The following GRM5 variants were observed in gnomAD, a reference collection of about 807,000 sequenced individuals.
GRM5 encodes metabotropic glutamate receptor 5.
In GRM5, 19 loss-of-function variants were observed where a neutral mutation model predicts 83.1. The observed-to-expected ratio is 0.23, with a 90% CI of 0.16 to 0.34. The LOEUF (loss-of-function observed/expected upper bound fraction) is 0.34. GRM5 is among the 10% of genes least tolerant of loss of function. GRM5 has a pLI of 1.00. For missense variants in GRM5, 1,160 were observed against 1,588.3 expected, an observed-to-expected ratio of 0.73 and a Z score of 4.58; for synonymous variants, 675 against 633.6, an observed-to-expected ratio of 1.07 and a Z score of -0.98.
intron 2 of GRM5, among the ~76,000 whole-genome samples, chr11:89,005,008 G>A (rs938676315): frequency 6.6e-6 from 1 of 152,060 alleles, no homozygotes; most frequent in Non-Finnish European, 1.5e-5. Context: ...TCCAAAACTG[G>A]AATACATTTT....
intron 2 of GRM5, among the ~76,000 whole-genome samples, chr11:89,001,509 G>C (rs150143658): frequency 0.024 from 3,685 of 152,156 alleles, 132 homozygotes; most frequent in African/African-American, 0.083. Context: ...CAAATTTATA[G>C]GAATGGAGAA....
intron 3 of GRM5, among the ~76,000 whole-genome samples, chr11:88,687,839 A>C (rs1182397058): frequency 1.3e-5 from 2 of 151,164 alleles, no homozygotes; most frequent in African/African-American, 2.4e-5. Flanking sequence ...AAGGGTCAAG[A>C]CTCTTCAGAC....
At chr11:89,038,087 A>G (rs1021564631) in intron 2 of GRM5, among the ~76,000 whole-genome samples, 3 of 151,954 alleles carry the variant, frequency 2.0e-5, no homozygotes, top group African/African-American at 7.3e-5. Context: ...ATAACTTATG[A>G]GTTATCCACT....
At chr11:88,946,444 TG>T (rs759011609) in intron 2 of GRM5, among the ~76,000 whole-genome samples, 16 of 152,122 alleles carry the variant, frequency 1.1e-4, no homozygotes, top group Non-Finnish European at 2.2e-4. Context: ...GAATGTTCTT[TG>T]CATCACTATT....
chr11:88,902,796 CA>C (rs1945333556), intron 2 of GRM5, among the ~76,000 whole-genome samples: 1 of 151,538 alleles, frequency 6.6e-6, no homozygotes, highest in Non-Finnish European at 1.5e-5. Flanking sequence ...ACTAAAAATA[CA>C]AAAATTAGCC....
At chr11:88,665,190 C>CACACACACAT (rs1252638242) in intron 3 of GRM5, among the ~76,000 whole-genome samples, 3 of 151,820 alleles carry the variant, frequency 2.0e-5, no homozygotes, top group African/African-American at 7.3e-5. Context: ...CACACACACA[C>CACACACACAT]ATCCCTCTTG....
chr11:88,805,701 T>A (rs773545683), intron 3 of GRM5, among the ~76,000 whole-genome samples: 9 of 152,156 alleles, frequency 5.9e-5, no homozygotes, highest in Non-Finnish European at 1.2e-4. Flanking sequence ...GAGTATGTCT[T>A]ATGGTTAATG....
chr11:89,031,653 G>T (rs1303554024), intron 2 of GRM5, among the ~76,000 whole-genome samples: 1 of 151,910 alleles, frequency 6.6e-6, no homozygotes, highest in Non-Finnish European at 1.5e-5. Context: ...TTGTGCATAA[G>T]ATAATTAGAA....
intron 8 of GRM5, among the ~76,000 whole-genome samples, chr11:88,539,608 C>T (rs1942216574): frequency 6.6e-6 from 1 of 152,096 alleles, no homozygotes; most frequent in Admixed American, 6.5e-5. Context: ...CTCCACACAC[C>T]CCCTAATACT....
intron 4 of GRM5, among the ~76,000 whole-genome samples, chr11:88,634,083 A>G (rs1346798057): frequency 6.6e-6 from 1 of 152,236 alleles, no homozygotes; most frequent in Non-Finnish European, 1.5e-5. Context: ...TAGACAAAGT[A>G]CAGCAGAAGT....
intron 3 of GRM5, among the ~76,000 whole-genome samples, chr11:88,712,492 G>A (rs999980830): frequency 1.3e-5 from 2 of 151,938 alleles, no homozygotes; most frequent in Non-Finnish European, 2.9e-5. Context: ...CGACAGCCTG[G>A]GGCTTCTCTG....
intron 3 of GRM5, among the ~76,000 whole-genome samples, chr11:88,675,862 T>C (rs1163507298): frequency 2.0e-5 from 3 of 152,118 alleles, no homozygotes; most frequent in East Asian, 1.9e-4. Flanking sequence ...AATGTGGCCA[T>C]GTAGAAAGTT....
intron 2 of GRM5, among the ~76,000 whole-genome samples, chr11:88,983,274 C>T (rs1308675253): frequency 6.6e-6 from 1 of 152,184 alleles, no homozygotes; most frequent in Non-Finnish European, 1.5e-5. Flanking sequence ...TTTACATTCA[C>T]ACACAAATAA....
intron 4 of GRM5, among the ~76,000 whole-genome samples, chr11:88,644,150 A>G (rs553918047): frequency 5.9e-5 from 9 of 152,306 alleles, no homozygotes; most frequent in African/African-American, 1.9e-4. Context: ...TTCTTAATTT[A>G]TGATTTTGTA....
intron 8 of GRM5, among the ~76,000 whole-genome samples, chr11:88,547,765 C>T (rs1942418146): frequency 6.6e-6 from 1 of 152,124 alleles, no homozygotes; most frequent in South Asian, 2.1e-4. Flanking sequence ...GGCATACAGG[C>T]TCAAATTATT....
intron 2 of GRM5, among the ~76,000 whole-genome samples, chr11:89,003,602 T>C (rs1029747772): frequency 6.6e-6 from 1 of 152,132 alleles, no homozygotes; most frequent in Non-Finnish European, 1.5e-5. Context: ...TTTTTAAAGG[T>C]GCTTTTTAAA....
chr11:88,656,078 A>G (rs1401138828), intron 3 of GRM5, among the ~76,000 whole-genome samples: 1 of 152,122 alleles, frequency 6.6e-6, no homozygotes, highest in Non-Finnish European at 1.5e-5. Flanking sequence ...AATGCTAAGA[A>G]AAAACCTTTC....
intron 3 of GRM5, among the ~76,000 whole-genome samples, chr11:88,678,423 A>G (rs1940392121): frequency 1.3e-5 from 2 of 152,096 alleles, no homozygotes; most frequent in South Asian, 2.1e-4. Flanking sequence ...TATCTGGACC[A>G]CACCATCTAC....
intron 4 of GRM5, among the ~76,000 whole-genome samples, chr11:88,647,189 G>A (rs941877850): frequency 1.3e-5 from 2 of 151,812 alleles, no homozygotes; most frequent in African/African-American, 4.8e-5. Flanking sequence ...ACCGAATTAG[G>A]GGCCTACCCT....
Sources: gnomAD v4.1 joint callset for allele counts (sites outside exome capture counted in the v4.1 genomes callset) on GRCh38, gnomAD v4.1.1 for gene constraint, MANE v1.5 for transcripts, NCBI Gene and HGNC (gene_info 2026-07-23, HGNC 2026-07-21) for gene names.